Variants in TLN2 observed in about 807,000 individuals in gnomAD.
The protein encoded by TLN2 is talin 2.
A neutral mutation model predicts 294.7 loss-of-function variants in TLN2; 118 were observed. The observed-to-expected ratio is 0.40, with a 90% CI of 0.34 to 0.47. The LOEUF (loss-of-function observed/expected upper bound fraction) is 0.47. TLN2 is among the 20% of genes least tolerant of loss of function. The pLI is 0.84. For missense variants in TLN2, 3,083 were observed against 3,282.2 expected (o/e 0.94, Z 1.48); for synonymous variants, 1,431 against 1,304.5 (o/e 1.10, Z -2.09).
intron 1 of TLN2, among the ~76,000 whole-genome samples, chr15:62,433,533 G>T (rs1052018124): frequency 6.6e-6 from 1 of 152,114 alleles, no homozygotes; most frequent in African/African-American, 2.4e-5. Context: ...TAGTCCTCTT[G>T]ACTATGGACT....
chr15:62,701,956 C>A (rs750117998), intron 17 of TLN2, 36 bp from the exon 18 acceptor site: 1 of 1,608,332 alleles, frequency 6.2e-7, no homozygotes, highest in Non-Finnish European at 8.5e-7. Flanking sequence ...GAACCATGTG[C>A]CCTCCTTTGA....
At chr15:62,572,123 A>G (rs1192346446) in intron 1 of TLN2, among the ~76,000 whole-genome samples, 1 of 152,060 alleles carries the variant, frequency 6.6e-6, no homozygotes, top group African/African-American at 2.4e-5. Context: ...CTCTAGCTTG[A>G]CACTGGGCAT....
At chr15:62,620,463 C>G (rs1351440741) in intron 3 of TLN2, among the ~76,000 whole-genome samples, 1 of 151,754 alleles carries the variant, frequency 6.6e-6, no homozygotes, top group African/African-American at 2.4e-5. Context: ...CTTTCTCTCT[C>G]TCTCCCTCCC....
intron 44 of TLN2, 70 bp from the exon 45 acceptor site, chr15:62,783,701 T>C: frequency 1.3e-6 from 2 of 1,489,202 alleles, no homozygotes; most frequent in South Asian, 2.7e-5. Flanking sequence ...TATTAACACA[T>C]GGTTCTCATG....
chr15:62,762,379 A>G lies in TLN2; in HGVS notation c.4887A>G (p.Pro1629=). The G allele has an allele frequency of 6.2e-7, 1 of 1,614,050 alleles. No homozygotes were observed. Among genetic ancestry groups the G allele is most frequent in the Non-Finnish European group, 8.5e-7 (1 of 1,180,018 alleles). ...CTCTGGCCATCAACCCCAAAGACCCACCCACCTGGTCTGTACTGGCTGGAC... is the reference window on the plus strand; with the variant it reads ...CTCTGGCCATCAACCCCAAAGACCCGCCCACCTGGTCTGTACTGGCTGGAC... ...ARSLAINPKD[P]PTWSVLAGHS... The change falls in exon 39 of 59, where the codon CCA becomes CCG. Residue 1629 remains proline, a synonymous_variant. Coordinates refer to ENST00000636159, the MANE Select transcript of TLN2 (RefSeq NM_015059.3).
chr15:62,593,293 C>T (rs1466154934), intron 2 of TLN2, among the ~76,000 whole-genome samples: 2 of 152,210 alleles, frequency 1.3e-5, no homozygotes, highest in Admixed American at 6.5e-5. Flanking sequence ...CACCTGCAGG[C>T]TCCCTGAGTG....
At chr15:62,631,942 G>C (rs1401025982) in intron 3 of TLN2, among the ~76,000 whole-genome samples, 1 of 152,042 alleles carries the variant, frequency 6.6e-6, no homozygotes, top group Non-Finnish European at 1.5e-5. Context: ...GATAAAATCT[G>C]TCAACCTCAG....
intron 12 of TLN2, among the ~76,000 whole-genome samples, chr15:62,688,736 T>G (rs1329219118): frequency 6.6e-6 from 1 of 152,182 alleles, no homozygotes; most frequent in Non-Finnish European, 1.5e-5. Flanking sequence ...AGAAGTTGTT[T>G]TTTCCTTATG....
chr15:62,734,357 G>A (rs1171377429), intron 28 of TLN2, among the ~76,000 whole-genome samples: 2 of 152,216 alleles, frequency 1.3e-5, no homozygotes, highest in African/African-American at 4.8e-5. Flanking sequence ...CCTAGAATCT[G>A]CAATGGTCAG....
At chr15:62,395,922 G>A (rs533184570) in intron 1 of TLN2, among the ~76,000 whole-genome samples, 1 of 152,130 alleles carries the variant, frequency 6.6e-6, no homozygotes, top group Non-Finnish European at 1.5e-5. Flanking sequence ...TGCAACCTCT[G>A]TCTCCTGGGT....
At chr15:62,533,218 C>T (rs2041147854) in intron 1 of TLN2, among the ~76,000 whole-genome samples, 1 of 142,870 alleles carries the variant, frequency 7.0e-6, no homozygotes, top group Non-Finnish European at 1.5e-5. Context: ...TGTACCATTG[C>T]ACTCCAGCCT....
intron 4 of TLN2, among the ~76,000 whole-genome samples, chr15:62,649,597 C>A (rs969212623): frequency 3.9e-5 from 6 of 152,080 alleles, no homozygotes; most frequent in Non-Finnish European, 5.9e-5. Context: ...GGAACTCCTA[C>A]CTCTCTTTTA....
At chr15:62,665,261 G>C (rs2054475530) in intron 9 of TLN2, among the ~76,000 whole-genome samples, 1 of 152,004 alleles carries the variant, frequency 6.6e-6, no homozygotes, top group Non-Finnish European at 1.5e-5. Context: ...TGATGCCCAA[G>C]CTGGTCTCGA....
At chr15:62,630,958 C>T (rs897149098) in intron 3 of TLN2, among the ~76,000 whole-genome samples, 1 of 151,908 alleles carries the variant, frequency 6.6e-6, no homozygotes, top group African/African-American at 2.4e-5. Flanking sequence ...AGATGTCTTT[C>T]GAAAGATAAA....
At chr15:62,624,380 C>T (rs1261862326) in intron 3 of TLN2, among the ~76,000 whole-genome samples, 5 of 152,190 alleles carry the variant, frequency 3.3e-5, no homozygotes, top group Non-Finnish European at 4.4e-5. Context: ...ACTGCCCTTC[C>T]GACTGAATCC....
rs1719782844 is a variant in TLN2 at position 62,697,798 on chromosome 15, T to C, written c.1403T>C (p.Val468Ala). 5 of 1,612,504 alleles carry C rather than the reference T, an allele frequency of 3.1e-6. No homozygotes were observed. The highest frequency in any genetic ancestry group is 4.2e-6 in the Non-Finnish European group (5 of 1,179,608). ...TCCAGCGGGCCTGAGACCTTCAACG[T>C]TGGCAGCATGCCCTCGCCACAGCAG... ...SGSSGPETFN[V>A]GSMPSPQQQV... Residue 468 changes from valine to alanine, a missense_variant, in exon 15 of 59, where the codon GTT becomes GCT. Coordinates refer to ENST00000636159, the MANE Select transcript of TLN2 (RefSeq NM_015059.3).
intron 14 of TLN2, among the ~76,000 whole-genome samples, chr15:62,697,374 G>A (rs116431805): frequency 3.3e-5 from 5 of 152,140 alleles, no homozygotes; most frequent in Non-Finnish European, 5.9e-5. Flanking sequence ...CTCCAAAAGG[G>A]CTGGGATTAC....
At chr15:62,490,686 C>G (rs541183198) in intron 1 of TLN2, among the ~76,000 whole-genome samples, 1 of 152,054 alleles carries the variant, frequency 6.6e-6, no homozygotes, top group Non-Finnish European at 1.5e-5. Flanking sequence ...GCTGTTCTAC[C>G]TGTGGAATTT....
chr15:62,825,011 A>G (rs924242080), intron 54 of TLN2, among the ~76,000 whole-genome samples: 1 of 152,210 alleles, frequency 6.6e-6, no homozygotes, highest in Non-Finnish European at 1.5e-5. Flanking sequence ...AGGTGAATGC[A>G]TAGTGACAGG....
Sources: allele counts gnomAD v4.1 joint callset (sites outside exome capture counted in the v4.1 genomes callset), GRCh38; gene constraint gnomAD v4.1.1; transcripts MANE v1.5; gene names NCBI Gene and HGNC (gene_info 2026-07-23, HGNC 2026-07-21).